Variants in EYS observed in about 807,000 individuals in gnomAD.
EYS encodes EGF-like photoreceptor maintenance factor.
A neutral mutation model predicts 282.1 loss-of-function variants in EYS; 250 were observed. The ratio of observed to expected loss-of-function variants is 0.89; its 90% CI spans 0.80 to 0.98. The LOEUF (loss-of-function observed/expected upper bound fraction) is 0.98, where lower values mean the gene tolerates loss of function less well. Ranked by LOEUF, EYS falls within the 50% of genes least tolerant of loss-of-function variation. EYS has a pLI of 0.00. For synonymous variants in EYS, 1,355 were observed against 1,282.9 expected (o/e 1.06, Z -1.20); for missense variants, 4,016 against 3,709.0 (o/e 1.08, Z -2.15).
chr6:64,440,879 A>G (rs965275078), intron 26 of EYS, among the ~76,000 whole-genome samples: 1 of 152,184 alleles, frequency 6.6e-6, no homozygotes, highest in African/African-American at 2.4e-5. Flanking sequence ...ATTATTTAAA[A>G]ACTATGGATG....
At chr6:63,955,949 C>G (rs978451350) in intron 35 of EYS, among the ~76,000 whole-genome samples, 1 of 152,098 alleles carries the variant, frequency 6.6e-6, no homozygotes, top group African/African-American at 2.4e-5. Flanking sequence ...ACAAATGTTT[C>G]TTCTAACAAC....
At chr6:64,747,893 C>T (rs944962573) in intron 22 of EYS, among the ~76,000 whole-genome samples, 4 of 152,164 alleles carry the variant, frequency 2.6e-5, no homozygotes, top group African/African-American at 9.7e-5. Flanking sequence ...GGGATAATTG[C>T]ATTTGTCACT....
intron 12 of EYS, among the ~76,000 whole-genome samples, chr6:65,075,102 G>A (rs145866978): frequency 0.014 from 2,169 of 151,984 alleles, 26 homozygotes; most frequent in Non-Finnish European, 0.022. Flanking sequence ...GTTATCTTCA[G>A]TATATTTGTA....
chr6:64,323,154 A>C (rs893689113), intron 29 of EYS, among the ~76,000 whole-genome samples: 2 of 15,312 alleles, frequency 1.3e-4, no homozygotes, highest in Admixed American at 6.1e-4. Context: ...ATTTTAGAAT[A>C]ATTTGTCACC....
intron 31 of EYS, among the ~76,000 whole-genome samples, chr6:64,184,482 T>C (rs1437365659): frequency 6.6e-6 from 1 of 152,112 alleles, no homozygotes; most frequent in Admixed American, 6.6e-5. Context: ...AAGAAAAAGC[T>C]CTGAGCTCCT....
At chr6:64,452,062 T>C (rs910292885) in intron 26 of EYS, among the ~76,000 whole-genome samples, 5 of 152,136 alleles carry the variant, frequency 3.3e-5, no homozygotes, top group African/African-American at 1.2e-4. Flanking sequence ...AAAGAGGAAG[T>C]CAAATTGTCC....
chr6:64,107,832 T>C (rs942471183), intron 31 of EYS, among the ~76,000 whole-genome samples: 11 of 151,952 alleles, frequency 7.2e-5, no homozygotes, highest in Non-Finnish European at 1.3e-4. Context: ...GTTCTATAGC[T>C]ATGATTAGGC....
At chr6:65,568,300 T>C (rs1434474402) in intron 2 of EYS, among the ~76,000 whole-genome samples, 1 of 72,412 alleles carries the variant, frequency 1.4e-5, no homozygotes, top group Admixed American at 1.9e-4. Context: ...TCTTTTTTTC[T>C]TTTTTTTCTT....
chr6:65,359,324 C>A (rs1359883951), intron 8 of EYS, among the ~76,000 whole-genome samples: 2 of 152,054 alleles, frequency 1.3e-5, no homozygotes, highest in African/African-American at 2.4e-5. Flanking sequence ...AATTTTATAA[C>A]CTTAACCAAC....
intron 5 of EYS, among the ~76,000 whole-genome samples, chr6:65,420,226 G>T (rs772874912): frequency 6.6e-5 from 10 of 152,012 alleles, no homozygotes; most frequent in Non-Finnish European, 1.2e-4. Flanking sequence ...ATTAAAGTTG[G>T]TCCTCGCAAA....
At chr6:64,413,974 C>A (rs895763144) in intron 28 of EYS, among the ~76,000 whole-genome samples, 2 of 152,202 alleles carry the variant, frequency 1.3e-5, no homozygotes, top group South Asian at 2.1e-4. Flanking sequence ...TATGAGAAGG[C>A]GTCATCTCTG....
intron 31 of EYS, among the ~76,000 whole-genome samples, chr6:64,162,861 G>A (rs1775150172): frequency 1.3e-5 from 2 of 151,910 alleles, no homozygotes; most frequent in Non-Finnish European, 2.9e-5. Flanking sequence ...TTTTAGCTTC[G>A]ACCTTATGGT....
intron 31 of EYS, among the ~76,000 whole-genome samples, chr6:64,228,268 T>A (rs1368473123): frequency 6.6e-6 from 1 of 152,158 alleles, no homozygotes; most frequent in African/African-American, 2.4e-5. Flanking sequence ...AAATAAATAT[T>A]CATCACTTTA....
intron 30 of EYS, among the ~76,000 whole-genome samples, chr6:64,279,040 C>T (rs115128714): frequency 1.1e-3 from 161 of 152,306 alleles, no homozygotes; most frequent in African/African-American, 3.7e-3. Context: ...TTCACTACTA[C>T]AAAAACATGC....
At chr6:64,966,852 C>A (rs547524155) in intron 14 of EYS, among the ~76,000 whole-genome samples, 5 of 152,240 alleles carry the variant, frequency 3.3e-5, no homozygotes, top group African/African-American at 1.2e-4. Flanking sequence ...TATAAAGTAA[C>A]TTTCACAAGT....
chr6:64,388,873 A>G (rs767477301), intron 28 of EYS, 33 bp from the exon 29 acceptor site: 3 of 1,359,170 alleles, frequency 2.2e-6, no homozygotes, highest in South Asian at 3.3e-5. Flanking sequence ...TGGTTTTAGT[A>G]TAAGTCATAT....
intron 36 of EYS, among the ~76,000 whole-genome samples, chr6:63,847,378 C>T (rs1275966042): frequency 6.6e-6 from 1 of 152,114 alleles, no homozygotes; most frequent in Non-Finnish European, 1.5e-5. Context: ...TACTTTCCCT[C>T]TCTCCCTCTC....
intron 8 of EYS, among the ~76,000 whole-genome samples, chr6:65,378,277 T>C (rs878991075): frequency 3.3e-5 from 5 of 151,992 alleles, no homozygotes; most frequent in African/African-American, 1.2e-4. Flanking sequence ...AACAAACATA[T>C]GAAAAAAAGC....
chr6:65,064,609 T>C (rs1773688504), intron 12 of EYS, among the ~76,000 whole-genome samples: 1 of 150,090 alleles, frequency 6.7e-6, no homozygotes. Context: ...AGCTATATAG[T>C]AATAGCTATA....
Sources: gnomAD v4.1 joint callset for allele counts (sites outside exome capture counted in the v4.1 genomes callset) on GRCh38, gnomAD v4.1.1 for gene constraint, MANE v1.5 for transcripts, NCBI Gene and HGNC (gene_info 2026-07-23, HGNC 2026-07-21) for gene names.